Variants in MICAL2 observed in about 807,000 individuals in gnomAD.
MICAL2 encodes the protein [F-actin]-monooxygenase MICAL2.
MICAL2 carries 77 observed loss-of-function variants against 127.3 expected under a neutral mutation model. The observed-to-expected ratio is 0.60, with a 90% confidence interval of 0.50 to 0.73. MICAL2 has a LOEUF of 0.73. Among genes scored for constraint, MICAL2 ranks in the 30% least tolerant of loss-of-function variants. The probability of loss-of-function intolerance (pLI) is 0.00; values close to 1 mark genes in which losing one functional copy is unlikely to be tolerated. For missense variants in MICAL2, 1,351 were observed against 1,434.4 expected, an observed-to-expected ratio of 0.94 and a Z score of 0.94; for synonymous variants, 570 against 551.1, an observed-to-expected ratio of 1.03 and a Z score of -0.48.
chr11:12,176,126 C>T (rs1448526681), intron 3 of MICAL2, among the ~76,000 whole-genome samples: 1 of 152,192 alleles, frequency 6.6e-6, no homozygotes, highest in South Asian at 2.1e-4. Flanking sequence ...CTCATCATGT[C>T]TTAGAGGAGC....
chr11:12,268,187 G>A (rs1863630170), downstream of MICAL2, among the ~76,000 whole-genome samples: 1 of 152,238 alleles, frequency 6.6e-6, no homozygotes, highest in South Asian at 2.1e-4. Context: ...GTCTGACATT[G>A]TGTGTCCTGG....
intron 2 of MICAL2, among the ~76,000 whole-genome samples, chr11:12,154,178 A>G (rs4756783): frequency 0.9 from 137,066 of 152,186 alleles, 62,039 homozygotes; most frequent in South Asian, 0.95. Context: ...TGGGGGACTT[A>G]GCCCTGACCT....
chr11:12,239,697 CTT>C (rs1319141994), intron 17 of MICAL2, 112 bp downstream of exon 17: 2 of 1,268,534 alleles, frequency 1.6e-6, no homozygotes, highest in African/African-American at 3.0e-5. Context: ...CCCAAGGAGA[CTT>C]GAGCTCCTTC....
chr11:12,217,360 A>C (rs1300736193), intron 8 of MICAL2, among the ~76,000 whole-genome samples: 1 of 152,158 alleles, frequency 6.6e-6, no homozygotes, highest in African/African-American at 2.4e-5. Context: ...TCTCCACTTC[A>C]GCTCAGGTCT....
intron 3 of MICAL2, among the ~76,000 whole-genome samples, chr11:12,181,744 A>C (rs1221864998): frequency 6.6e-6 from 1 of 152,246 alleles, no homozygotes; most frequent in East Asian, 1.9e-4. Context: ...ACATTCAATA[A>C]ATCGCAACTG....
intron 29 of MICAL2, among the ~76,000 whole-genome samples, chr11:12,311,224 T>C (rs1316610318): frequency 6.6e-6 from 1 of 152,170 alleles, no homozygotes; most frequent in Non-Finnish European, 1.5e-5. Flanking sequence ...GATATTTGAA[T>C]GTTAAATCAT....
At chr11:12,260,445 G>T in intron 26 of MICAL2, 1 of 1,188,228 alleles carries the variant, frequency 8.4e-7, no homozygotes, top group Non-Finnish European at 1.0e-6. Context: ...ATTTTAATTA[G>T]CCCAGAGAAA....
At chr11:12,199,644 T>G (rs1018067662) in intron 3 of MICAL2, among the ~76,000 whole-genome samples, 1 of 152,102 alleles carries the variant, frequency 6.6e-6, no homozygotes, top group Admixed American at 6.6e-5. Context: ...AAGTGGGTTG[T>G]GTTTGCAGGT....
chr11:12,244,341 C>T (rs1860395684), intron 21 of MICAL2, among the ~76,000 whole-genome samples: 1 of 152,248 alleles, frequency 6.6e-6, no homozygotes, highest in African/African-American at 2.4e-5. Flanking sequence ...ATTCAGCAAG[C>T]ATTAATCAGG....
chr11:12,251,687 TGTG>T (rs1211058823), intron 22 of MICAL2, among the ~76,000 whole-genome samples: 1 of 145,594 alleles, frequency 6.9e-6, no homozygotes, highest in African/African-American at 2.6e-5. Context: ...TGGGACCAGG[TGTG>T]GTCTTCATCC....
At chr11:12,335,884 G>A (rs1041048578) in intron 32 of MICAL2, among the ~76,000 whole-genome samples, 7 of 152,166 alleles carry the variant, frequency 4.6e-5, no homozygotes, top group East Asian at 1.9e-4. Flanking sequence ...AAGTCAGGTA[G>A]CATGATGCCT....
At chr11:12,139,728 C>T (rs997458647) in intron 2 of MICAL2, among the ~76,000 whole-genome samples, 55 of 152,196 alleles carry the variant, frequency 3.6e-4, no homozygotes, top group Admixed American at 3.6e-3. Flanking sequence ...TGTCCCCTCT[C>T]TGGAGAAACA....
intron 24 of MICAL2, 119 bp downstream of exon 24, chr11:12,257,090 G>T (rs1449652469): frequency 9.0e-7 from 1 of 1,110,790 alleles, no homozygotes; most frequent in African/African-American, 1.6e-5. Context: ...AAGGAAGTAT[G>T]ATGTCATCAG....
At chr11:12,345,116 C>CAAAAAAAAAAAAAAAA (rs796748173) in intron 32 of MICAL2, among the ~76,000 whole-genome samples, 21 of 110,536 alleles carry the variant, frequency 1.9e-4, no homozygotes, top group African/African-American at 6.9e-4. Flanking sequence ...GAATCCATCT[C>CAAAAAAAAAAAAAAAA]AAAAAAAAAA....
intron 2 of MICAL2, among the ~76,000 whole-genome samples, chr11:12,286,128 C>T (rs146673429): frequency 6.6e-6 from 1 of 151,096 alleles, no homozygotes; most frequent in African/African-American, 2.5e-5. Context: ...AGCTAATCCT[C>T]AAGGCCCAGC....
At chr11:12,298,784 C>T (rs78347305) in intron 29 of MICAL2, among the ~76,000 whole-genome samples, 2,971 of 152,022 alleles carry the variant, frequency 0.02, 78 homozygotes, top group East Asian at 0.14. Flanking sequence ...ATTAATATTA[C>T]GAATTATATC....
intron 33 of MICAL2, among the ~76,000 whole-genome samples, chr11:12,353,647 C>A (rs557247618): frequency 6.6e-6 from 1 of 152,066 alleles, no homozygotes; most frequent in African/African-American, 2.4e-5. Context: ...AATGGGGCAT[C>A]CCCTGGCATG....
intron 1 of MICAL2, among the ~76,000 whole-genome samples, chr11:12,127,847 TA>T (rs1163929996): frequency 1.3e-5 from 2 of 152,078 alleles, no homozygotes; most frequent in Admixed American, 6.5e-5. Flanking sequence ...CACTGTAGAC[TA>T]AAAAAGTCTA....
At chr11:12,351,358 T>C (rs924091888) in intron 33 of MICAL2, among the ~76,000 whole-genome samples, 1 of 152,196 alleles carries the variant, frequency 6.6e-6, no homozygotes, top group African/African-American at 2.4e-5. Context: ...TATTTGGCAA[T>C]GTCTGAAGAC....
Sources: gnomAD v4.1 joint callset for allele counts (sites outside exome capture counted in the v4.1 genomes callset) on GRCh38, gnomAD v4.1.1 for gene constraint, MANE v1.5 for transcripts, NCBI Gene and HGNC (gene_info 2026-07-23, HGNC 2026-07-21) for gene names.